Variants in CTNNBL1 observed in about 807,000 individuals in gnomAD.
CTNNBL1 encodes the protein catenin beta like 1, also known as beta-catenin-like protein 1.
In CTNNBL1, 31 loss-of-function variants were observed where a neutral mutation model predicts 72.7. That is an observed-to-expected ratio of 0.43 (90% CI 0.32 to 0.58). The LOEUF (loss-of-function observed/expected upper bound fraction) is 0.58, where lower values mean the gene tolerates loss of function less well. CTNNBL1 is among the 20% of genes least tolerant of loss of function. CTNNBL1 has a pLI of 0.08. For missense variants in CTNNBL1, 534 were observed against 725.1 expected (o/e 0.74, Z 3.03); for synonymous variants, 240 against 267.3 (o/e 0.90, Z 1.00).
chr20:37,745,776 C>T (rs948790439), intron 3 of CTNNBL1, among the ~76,000 whole-genome samples: 4 of 152,202 alleles, frequency 2.6e-5, no homozygotes, highest in East Asian at 3.8e-4. Context: ...AAGGCTTAAT[C>T]GGCATTTCTT....
chr20:37,772,322 C>A (rs894843903), intron 7 of CTNNBL1, among the ~76,000 whole-genome samples: 1 of 151,942 alleles, frequency 6.6e-6, no homozygotes, highest in Non-Finnish European at 1.5e-5. Flanking sequence ...TGGAGTGGAG[C>A]CTGGTAGTCT....
intron 7 of CTNNBL1, among the ~76,000 whole-genome samples, chr20:37,773,076 A>G (rs2073539726): frequency 6.6e-6 from 1 of 152,256 alleles, no homozygotes; most frequent in African/African-American, 2.4e-5. Context: ...TGAAAATAAC[A>G]GCAAAACCAA....
chr20:37,841,363 T>C (rs933385212), intron 12 of CTNNBL1, among the ~76,000 whole-genome samples: 2 of 152,264 alleles, frequency 1.3e-5, no homozygotes, highest in African/African-American at 4.8e-5. Context: ...TTCGGTTTCC[T>C]CATCTTTGAA....
intron 1 of CTNNBL1, among the ~76,000 whole-genome samples, chr20:37,699,992 G>T (rs917996292): frequency 6.6e-6 from 1 of 152,128 alleles, no homozygotes; most frequent in African/African-American, 2.4e-5. Flanking sequence ...GATTAAGTAC[G>T]CGACTCTCTC....
chr20:37,867,733 CAG>C (rs2072548261), intron 15 of CTNNBL1, among the ~76,000 whole-genome samples: 1 of 152,062 alleles, frequency 6.6e-6, no homozygotes, highest in African/African-American at 2.4e-5. Flanking sequence ...ACACATGCAG[CAG>C]AGAGAACTCT....
intron 7 of CTNNBL1, 99 bp downstream of exon 7, chr20:37,768,143 A>T (rs557657947): frequency 1.0e-6 from 1 of 989,880 alleles, no homozygotes; most frequent in African/African-American, 1.6e-5. Flanking sequence ...GGGCCATATG[A>T]TCTAGTTTGG....
chr20:37,781,456 G>A (rs907446287), intron 10 of CTNNBL1, among the ~76,000 whole-genome samples: 1 of 152,126 alleles, frequency 6.6e-6, no homozygotes, highest in African/African-American at 2.4e-5. Context: ...GATTCAGGGA[G>A]GCTAATTAAA....
chr20:37,755,707 C>G (rs1478634618), intron 4 of CTNNBL1, among the ~76,000 whole-genome samples: 11 of 152,184 alleles, frequency 7.2e-5, no homozygotes, highest in Non-Finnish European at 1.5e-5. Context: ...TTCTTATATT[C>G]TGCATCTTTT....
At chr20:37,762,242 G>T (rs931329911) in intron 5 of CTNNBL1, among the ~76,000 whole-genome samples, 6 of 140,646 alleles carry the variant, frequency 4.3e-5, no homozygotes, top group Non-Finnish European at 5.9e-5. Context: ...AGTGGGTGTG[G>T]GGTTTTATTG....
At chr20:37,749,383 A>G (rs1381884807) in intron 4 of CTNNBL1, among the ~76,000 whole-genome samples, 1 of 152,204 alleles carries the variant, frequency 6.6e-6, no homozygotes, top group African/African-American at 2.4e-5. Flanking sequence ...GAGAAGACTG[A>G]CACAAAAAAC....
chr20:37,809,558 C>T (rs2071991154), intron 11 of CTNNBL1, among the ~76,000 whole-genome samples: 1 of 152,166 alleles, frequency 6.6e-6, no homozygotes, highest in South Asian at 2.1e-4. Flanking sequence ...CAGACCCTTC[C>T]TCAGCTCCTG....
intron 1 of CTNNBL1, among the ~76,000 whole-genome samples, chr20:37,698,298 A>T (rs1366588350): frequency 6.6e-6 from 1 of 152,238 alleles, no homozygotes; most frequent in Admixed American, 6.5e-5. Context: ...GCTCATGTCC[A>T]GCTGGCCAGC....
At chr20:37,736,921 G>A (rs1223757203) in intron 2 of CTNNBL1, among the ~76,000 whole-genome samples, 1 of 152,078 alleles carries the variant, frequency 6.6e-6, no homozygotes, top group Non-Finnish European at 1.5e-5. Flanking sequence ...ATTGTAATTA[G>A]AGAGATAAAG....
intron 10 of CTNNBL1, among the ~76,000 whole-genome samples, chr20:37,801,561 T>G (rs1443683951): frequency 6.6e-6 from 1 of 152,220 alleles, no homozygotes; most frequent in Non-Finnish European, 1.5e-5. Flanking sequence ...TGAAAATAGT[T>G]TATGTTTTTT....
intron 3 of CTNNBL1, among the ~76,000 whole-genome samples, chr20:37,742,682 T>G (rs909436114): frequency 6.6e-6 from 1 of 151,874 alleles, no homozygotes; most frequent in Non-Finnish European, 1.5e-5. Flanking sequence ...CATATAACAT[T>G]TTTTCATTTT....
At chr20:37,814,116 C>T (rs1257748151) in intron 11 of CTNNBL1, among the ~76,000 whole-genome samples, 4 of 152,150 alleles carry the variant, frequency 2.6e-5, no homozygotes, top group African/African-American at 9.7e-5. Flanking sequence ...CAGCTAGTAC[C>T]TGGCCTTCCT....
chr20:37,704,598 C>T (rs2072870184), intron 1 of CTNNBL1, among the ~76,000 whole-genome samples: 1 of 151,882 alleles, frequency 6.6e-6, no homozygotes, highest in Non-Finnish European at 1.5e-5. Context: ...ATAATCCCAG[C>T]TACTGGGGAT....
chr20:37,740,838 C>T (rs147099387), intron 3 of CTNNBL1, among the ~76,000 whole-genome samples: 3 of 152,268 alleles, frequency 2.0e-5, no homozygotes, highest in East Asian at 1.9e-4. Context: ...TAGTTTTGAT[C>T]TTATAATTCC....
At chr20:37,746,419 T>C in intron 3 of CTNNBL1, 49 bp from the exon 4 acceptor site, 1 of 1,593,286 alleles carries the variant, frequency 6.3e-7, no homozygotes, top group Non-Finnish European at 8.6e-7. Flanking sequence ...TGCTCCTCAT[T>C]GCTGATAGTG....
Sources: allele counts gnomAD v4.1 joint callset (sites outside exome capture counted in the v4.1 genomes callset), GRCh38; gene constraint gnomAD v4.1.1; transcripts MANE v1.5; gene names NCBI Gene and HGNC (gene_info 2026-07-23, HGNC 2026-07-21).